R3HCC1L: variants seen among roughly 807,000 people sequenced by gnomAD.
The protein encoded by R3HCC1L is R3H domain and coiled-coil containing 1 like.
In R3HCC1L, 51 loss-of-function variants were observed where a neutral mutation model predicts 59.9. The ratio of observed to expected loss-of-function variants is 0.85; its 90% CI spans 0.68 to 1.07. The LOEUF is 1.07. Among genes scored for constraint, R3HCC1L ranks in the 50% least tolerant of loss-of-function variants. R3HCC1L has a pLI of 0.00. For missense variants in R3HCC1L, 965 were observed against 933.0 expected (o/e 1.03, Z -0.45); for synonymous variants, 322 against 315.2 (o/e 1.02, Z -0.23).
At chr10:98,170,416 A>G (rs995826527) in intron 4 of R3HCC1L, among the ~76,000 whole-genome samples, 1 of 152,168 alleles carries the variant, frequency 6.6e-6, no homozygotes, top group Non-Finnish European at 1.5e-5. Flanking sequence ...CATGGGCTCA[A>G]GCAGTCTCCC....
In R3HCC1L at chr10:98,208,707, T is replaced by C; in HGVS notation, c.593T>C (p.Phe198Ser). ...AGGCATGAACCTGATGGGGAAGCATTTGAAGACAAAGATTTGGAAGGCAGA... is the reference window on the plus strand; with the variant it reads ...AGGCATGAACCTGATGGGGAAGCATCTGAAGACAAAGATTTGGAAGGCAGA... ...FSRHEPDGEAFEDKDLEGRIE... is the reference protein window; with the variant it reads ...FSRHEPDGEASEDKDLEGRIE... The change falls in exon 5 of 10, where the codon TTT becomes TCT. Residue 198 changes from phenylalanine to serine, a missense_variant. By Grantham distance (155) the Phe-to-Ser change is radical. Transcript: ENST00000298999. 6.2e-7 allele frequency: 1 copy of C among 1,614,128 alleles called. No homozygotes were observed. Among genetic ancestry groups the C allele is most frequent in the Non-Finnish European group, 8.5e-7 (1 of 1,180,006 alleles).
chr10:98,195,358 A>G (rs1851309476), intron 4 of R3HCC1L, among the ~76,000 whole-genome samples: 1 of 152,248 alleles, frequency 6.6e-6, no homozygotes. Context: ...CAGATGAGAA[A>G]GTTTAGTGAT....
intron 5 of R3HCC1L, among the ~76,000 whole-genome samples, chr10:98,217,649 C>T (rs1854370259): frequency 6.6e-6 from 1 of 152,196 alleles, no homozygotes; most frequent in African/African-American, 2.4e-5. Flanking sequence ...AGTTCATAAG[C>T]ATGAGATGTC....
intron 1 of R3HCC1L, among the ~76,000 whole-genome samples, chr10:98,154,360 A>C (rs1846626179): frequency 6.6e-6 from 1 of 152,018 alleles, no homozygotes; most frequent in African/African-American, 2.4e-5. Context: ...GTGTGCAGAT[A>C]TATATTGCAG....
chr10:98,220,292 A>G (rs1564716383), intron 5 of R3HCC1L, among the ~76,000 whole-genome samples: 1 of 148,492 alleles, frequency 6.7e-6, no homozygotes, highest in Non-Finnish European at 1.5e-5. Context: ...TGTATTATTT[A>G]TCTGTGTTTT....
At chr10:98,232,764 A>G (rs1018617944) in intron 6 of R3HCC1L, among the ~76,000 whole-genome samples, 1 of 152,366 alleles carries the variant, frequency 6.6e-6, no homozygotes, top group Admixed American at 6.5e-5. Flanking sequence ...AATATTTTAG[A>G]CAACTCTGCC....
At position 98,244,197 on chromosome 10, in the gene R3HCC1L, A is replaced by G. The variant is rs940107140; in HGVS notation, c.*39A>G. 1.4e-5 allele frequency: 22 copies of G among 1,581,598 alleles called. No individual in the cohort carries two copies. Among genetic ancestry groups the G allele is most frequent in the Middle Eastern group, 1.7e-4 (1 of 6,040 alleles). ...AAAGGGATAATTCCATGAATCAGAA[A>G]ATGTTTCCATAGCCTTCAGATAAGA... On this transcript the variant is annotated 3_prime_UTR_variant, in exon 10 of 10. Transcript: ENST00000298999.
intron 5 of R3HCC1L, among the ~76,000 whole-genome samples, chr10:98,213,033 C>T (rs573093150): frequency 1.3e-5 from 2 of 152,226 alleles, no homozygotes; most frequent in East Asian, 1.9e-4. Flanking sequence ...TGCTAACTTA[C>T]ATTGTTATAC....
At chr10:98,211,860 A>G (rs1403093067) in intron 5 of R3HCC1L, among the ~76,000 whole-genome samples, 1 of 152,114 alleles carries the variant, frequency 6.6e-6, no homozygotes, top group Non-Finnish European at 1.5e-5. Context: ...TCAGTTTTTC[A>G]GGTCTTTCCA....
At chr10:98,196,596 C>T (rs1042115486) in intron 4 of R3HCC1L, among the ~76,000 whole-genome samples, 2 of 152,102 alleles carry the variant, frequency 1.3e-5, no homozygotes, top group East Asian at 1.9e-4. Context: ...GGTTTCTCCT[C>T]TCTTCTTTCA....
At position 98,231,631 on chromosome 10, in the gene R3HCC1L, T is replaced by A. The variant is rs1312084671; in HGVS notation, c.1905T>A (p.Tyr635Ter). ...DCEFPHVIEI[Y>*]DFPQEFHTED... ...AATTCCCACATGTCATTGAAATTTATGACTTTCCCCAAGAATTTCATACTG... is the reference window on the plus strand; with the variant it reads ...AATTCCCACATGTCATTGAAATTTAAGACTTTCCCCAAGAATTTCATACTG... Residue 635 changes from tyrosine (Y) to a stop codon, truncating the protein, a stop_gained, in exon 6 of 10, where the codon TAT becomes TAA. Coordinates refer to ENST00000298999, the MANE Select transcript of R3HCC1L (RefSeq NM_001351015.2). LOFTEE classifies it high-confidence loss of function. 6.2e-7 allele frequency: 1 copy of A among 1,612,838 alleles called. No individual in the cohort carries two copies. The highest frequency in any genetic ancestry group is 1.3e-5 in the African/African-American group (1 of 75,018).
intron 5 of R3HCC1L, among the ~76,000 whole-genome samples, chr10:98,216,250 A>T (rs922453312): frequency 4.6e-5 from 7 of 152,150 alleles, no homozygotes; most frequent in African/African-American, 1.7e-4. Context: ...AGGGTGGCTC[A>T]CACCTGTAAT....
chr10:98,216,146 A>G (rs1266079036), intron 5 of R3HCC1L, among the ~76,000 whole-genome samples: 2 of 152,184 alleles, frequency 1.3e-5, no homozygotes, highest in African/African-American at 4.8e-5. Context: ...GTTGAAGTTT[A>G]TTGGTAAAGG....
At chr10:98,196,887 T>TG (rs1267413055) in intron 4 of R3HCC1L, among the ~76,000 whole-genome samples, 1 of 152,200 alleles carries the variant, frequency 6.6e-6, no homozygotes, top group Non-Finnish European at 1.5e-5. Context: ...CTACTAATTC[T>TG]GGCCCTTAGC....
intron 5 of R3HCC1L, among the ~76,000 whole-genome samples, chr10:98,223,474 C>A (rs1157602173): frequency 1.3e-5 from 2 of 151,582 alleles, no homozygotes; most frequent in Non-Finnish European, 2.9e-5. Context: ...TCATTCATAT[C>A]TGTGCATCTA....
At chr10:98,187,962 C>T (rs907051696) in intron 4 of R3HCC1L, among the ~76,000 whole-genome samples, 111 of 151,850 alleles carry the variant, frequency 7.3e-4, no homozygotes, top group African/African-American at 4.6e-4. Context: ...AGGCTGGTCT[C>T]GAACTCCTGG....
intron 5 of R3HCC1L, among the ~76,000 whole-genome samples, chr10:98,216,567 C>A (rs138824193): frequency 2.6e-5 from 4 of 151,798 alleles, no homozygotes; most frequent in Non-Finnish European, 5.9e-5. Flanking sequence ...TTTTTTTGTT[C>A]GTCTGTTTTT....
chr10:98,213,701 T>G (rs999171127), intron 5 of R3HCC1L, among the ~76,000 whole-genome samples: 2 of 152,178 alleles, frequency 1.3e-5, no homozygotes, highest in African/African-American at 4.8e-5. Context: ...TATTTTTGAG[T>G]AGTTTTAGAT....
At chr10:98,180,394 TCTA>T (rs755237073) in intron 4 of R3HCC1L, among the ~76,000 whole-genome samples, 1 of 152,220 alleles carries the variant, frequency 6.6e-6, no homozygotes, top group Middle Eastern at 3.2e-3. Context: ...AATCCTGAGT[TCTA>T]CTTTGATTGC....
Sources: gnomAD v4.1 joint callset for allele counts (sites outside exome capture counted in the v4.1 genomes callset) on GRCh38, gnomAD v4.1.1 for gene constraint, MANE v1.5 for transcripts, NCBI Gene and HGNC (gene_info 2026-07-23, HGNC 2026-07-21) for gene names.